TTC39C: variants seen among roughly 807,000 people sequenced by gnomAD.
TTC39C encodes tetratricopeptide repeat domain 39C, also known as tetratricopeptide repeat protein 39C.
A neutral mutation model predicts 76.3 loss-of-function variants in TTC39C; 33 were observed. The observed-to-expected ratio is 0.43, with a 90% confidence interval of 0.33 to 0.58. The LOEUF is 0.58. TTC39C is among the 20% of genes least tolerant of loss of function. TTC39C has a pLI of 0.04. For synonymous variants in TTC39C, 254 were observed against 260.6 expected (o/e 0.97, Z 0.24); for missense variants, 595 against 701.4 (o/e 0.85, Z 1.71).
chr18:24,122,500 C>CAAAAAAA (rs36002596), intron 8 of TTC39C, among the ~76,000 whole-genome samples: 32,084 of 51,014 alleles, frequency 0.63, 12,204 homozygotes, highest in Middle Eastern at 0.74. Context: ...GACTCCATCT[C>CAAAAAAA]AAAAAAAAAA....
At chr18:24,013,263 C>G (rs192707271), upstream of TTC39C, among the ~76,000 whole-genome samples, 417 of 152,252 alleles carry the variant, frequency 2.7e-3, 1 homozygote, top group Non-Finnish European at 4.6e-3. Context: ...TGTCAGTGTT[C>G]CAGTTTGTGG....
chr18:24,056,128 T>A (rs2084013364), intron 1 of TTC39C, among the ~76,000 whole-genome samples: 1 of 152,170 alleles, frequency 6.6e-6, no homozygotes. Flanking sequence ...AGTGGCCCCC[T>A]GGGTCTGTGA....
At chr18:24,038,849 G>A (rs1450413531) in intron 1 of TTC39C, among the ~76,000 whole-genome samples, 1 of 152,100 alleles carries the variant, frequency 6.6e-6, no homozygotes, top group Non-Finnish European at 1.5e-5. Flanking sequence ...AGTGTGAGGG[G>A]CACATATGAG....
chr18:24,125,656 G>A (rs2085041529), intron 10 of TTC39C, 106 bp downstream of exon 10: 15 of 1,439,968 alleles, frequency 1.0e-5, no homozygotes, highest in Non-Finnish European at 1.1e-5. Context: ...TCTCATCGGA[G>A]TCAGGGAGAG....
chr18:24,071,586 A>G (rs138050279), intron 4 of TTC39C, among the ~76,000 whole-genome samples: 249 of 152,256 alleles, frequency 1.6e-3, no homozygotes, highest in African/African-American at 5.8e-3. Context: ...CTTTTCAATT[A>G]TACTTTGGGT....
chr18:24,132,052 C>T, intron 13 of TTC39C, 132 bp downstream of exon 13: 1 of 775,132 alleles, frequency 1.3e-6, no homozygotes, highest in African/African-American at 1.8e-5. Context: ...AAAATGACAA[C>T]CAATTGAATC....
chr18:24,105,739 C>T (rs1342773450), intron 6 of TTC39C, among the ~76,000 whole-genome samples: 1 of 152,228 alleles, frequency 6.6e-6, no homozygotes, highest in African/African-American at 2.4e-5. Flanking sequence ...AGAAGGGACA[C>T]CCCTGACCGT....
At chr18:24,054,134 A>G (rs1440063081) in intron 1 of TTC39C, among the ~76,000 whole-genome samples, 2 of 152,180 alleles carry the variant, frequency 1.3e-5, no homozygotes, top group Non-Finnish European at 2.9e-5. Context: ...GTAACCTCAT[A>G]TAAGTGAGGA....
At position 24,080,810 on chromosome 18, in the gene TTC39C, G is replaced by A; in HGVS notation, c.686G>A (p.Cys229Tyr). 3 of 1,614,102 alleles carry A rather than the reference G, an allele frequency of 1.9e-6. No homozygotes were observed. Among genetic ancestry groups the A allele is most frequent in the Non-Finnish European group, 2.5e-6 (3 of 1,180,012 alleles). Reference sequence around the variant, plus strand: ...TTTGGATATGGCCTTTTTCACCTTTGCATATCCATGGTGCCCCCAAACCTG... The same window carrying A: ...TTTGGATATGGCCTTTTTCACCTTTACATATCCATGGTGCCCCCAAACCTG... ...VSFGYGLFHL[C>Y]ISMVPPNLLK... Residue 229 changes from cysteine (C) to tyrosine (Y), a missense_variant, in exon 5 of 14, where the codon TGC (cysteine) becomes TAC (tyrosine). Transcript: ENST00000317571.
At chr18:24,130,832 ATGGTAAGTATTTG>A (rs1032875712) in intron 12 of TTC39C, among the ~76,000 whole-genome samples, 3 of 151,932 alleles carry the variant, frequency 2.0e-5, no homozygotes, top group African/African-American at 7.3e-5. Flanking sequence ...CCGTAACACA[ATGGTAAGTATTTG>A]TGTATCTAAA....
Position 24,014,949 on chromosome 18 carries a change from C to G in TTC39C, c.78C>G (p.Pro26=). ...DSDAAAAAAA[P]LQDAELALAG... ...ACGCGGCAGCGGCGGCGGCGGCGCC[C>G]CTGCAGGACGCGGAGCTGGCCCTGG... The change falls in exon 1 of 14, where the codon CCC becomes CCG. Residue 26 remains proline (P), a synonymous_variant. Transcript: ENST00000317571. 1 of 1,529,108 alleles carries G rather than the reference C, an allele frequency of 6.5e-7. No individual in the cohort carries two copies. Among genetic ancestry groups the G allele is most frequent in the Non-Finnish European group, 8.8e-7 (1 of 1,138,126 alleles). 94.7% of individuals were successfully genotyped at this position (1,529,108 alleles called of 1,614,324 possible). A position where few individuals can be genotyped will look rare whatever the true frequency, so the allele number is the denominator to read the frequency against.
intron 4 of TTC39C, 137 bp downstream of exon 4, chr18:24,069,408 T>C (rs2084209342): frequency 1.4e-6 from 1 of 710,732 alleles, no homozygotes; most frequent in Non-Finnish European, 2.3e-6. Flanking sequence ...GATTTATTAC[T>C]GGGGAAATTG....
intron 1 of TTC39C, among the ~76,000 whole-genome samples, chr18:24,058,057 G>C (rs556099288): frequency 9.7e-4 from 147 of 152,306 alleles, no homozygotes; most frequent in African/African-American, 3.4e-3. Flanking sequence ...AACCAATGCA[G>C]GAACAGAAAA....
At position 24,113,885 on chromosome 18, in the gene TTC39C, T is replaced by C. The variant is rs183983731; in HGVS notation, c.985-669T>C. ...CCAGACAGTGTTATGTGAATGAAAGTGTTGGAAATGTAATCTGGATCCTCA... is the reference window on the plus strand; with the variant it reads ...CCAGACAGTGTTATGTGAATGAAAGCGTTGGAAATGTAATCTGGATCCTCA... On this transcript the variant is annotated intron_variant, in intron 6 of 13. Coordinates refer to ENST00000317571, the MANE Select transcript of TTC39C (RefSeq NM_001135993.2). The C allele has an allele frequency of 3.1e-4, 169 of 551,558 alleles. 1 individual carries two copies. The highest frequency in any genetic ancestry group is 2.9e-3 in the African/African-American group (154 of 52,616). The allele number at this position is 551,558 out of a possible 1,614,324, so 34.2% of individuals were successfully genotyped here. A position where few individuals can be genotyped will look rare whatever the true frequency, so the allele number is the denominator to read the frequency against.
chr18:24,057,998 A>C (rs369002967), intron 1 of TTC39C, among the ~76,000 whole-genome samples: 1 of 152,226 alleles, frequency 6.6e-6, no homozygotes, highest in African/African-American at 2.4e-5. Flanking sequence ...GAATGAGATC[A>C]TGTCCTTTGC....
At chr18:24,023,948 A>G (rs530650615) in intron 1 of TTC39C, among the ~76,000 whole-genome samples, 244 of 15,962 alleles carry the variant, frequency 0.015, 1 homozygote, top group Middle Eastern at 0.14. Context: ...ATATATATGC[A>G]TGTATATATA....
At chr18:24,020,103 T>C in intron 1 of TTC39C, 1 of 1,281,254 alleles carries the variant, frequency 7.8e-7, no homozygotes, top group Non-Finnish European at 9.8e-7. Flanking sequence ...GATGCAGAGA[T>C]GTAAGAAAAG....
Position 24,080,683 on chromosome 18 carries a change from C to T in TTC39C, c.559C>T (p.Leu187=). The stretch of plus-strand genomic sequence containing the variant: ...CCTTCAGGAGCTGTATCAGAAGAAG[C>T]TAACTGAAGAGTCCTTGACTTCTGA... ...NALQELYQKK[L]TEESLTSDAA... The change falls in exon 5 of 14, where the codon CTA becomes TTA. Residue 187 remains leucine (L), a synonymous_variant. Coordinates refer to ENST00000317571, the MANE Select transcript of TTC39C (RefSeq NM_001135993.2). 6.2e-7 allele frequency: 1 copy of T among 1,614,104 alleles called. No homozygotes were observed. Among genetic ancestry groups the T allele is most frequent in the Non-Finnish European group, 8.5e-7 (1 of 1,179,984 alleles).
chr18:24,016,692 T>C (rs1425678492), intron 1 of TTC39C: 1 of 398,480 alleles, frequency 2.5e-6, no homozygotes, highest in Non-Finnish European at 4.4e-6. Flanking sequence ...TGGAAAACTC[T>C]CTCCCAGCAA....
Sources: allele counts gnomAD v4.1 joint callset (sites outside exome capture counted in the v4.1 genomes callset), GRCh38; gene constraint gnomAD v4.1.1; transcripts MANE v1.5; gene names NCBI Gene and HGNC (gene_info 2026-07-23, HGNC 2026-07-21).